PRKG1: variants seen among roughly 807,000 people sequenced by gnomAD.
PRKG1 encodes the protein cGMP-dependent protein kinase 1.
PRKG1 carries 35 observed loss-of-function variants against 88.1 expected under a neutral mutation model. The observed-to-expected ratio is 0.40, with a 90% CI of 0.30 to 0.53. PRKG1 has a LOEUF of 0.53. Ranked by LOEUF, PRKG1 falls within the 20% of genes least tolerant of loss-of-function variation. The pLI is 0.59. For synonymous variants in PRKG1, 303 were observed against 292.5 expected (o/e 1.04, Z -0.37); for missense variants, 540 against 839.8 (o/e 0.64, Z 4.41).
intron 5 of PRKG1, among the ~76,000 whole-genome samples, chr10:52,021,263 TG>T (rs536866552): frequency 6.7e-4 from 102 of 152,252 alleles, no homozygotes; most frequent in African/African-American, 2.4e-3. Flanking sequence ...AAGGCAGCCA[TG>T]TATGATATGT....
chr10:51,718,406 G>A (rs1418981772), intron 3 of PRKG1, among the ~76,000 whole-genome samples: 1 of 152,096 alleles, frequency 6.6e-6, no homozygotes, highest in Non-Finnish European at 1.5e-5. Flanking sequence ...GCGAGAGTAG[G>A]GAGTGAGGAG....
chr10:51,305,162 A>G (rs899515093), intron 2 of PRKG1, among the ~76,000 whole-genome samples: 8 of 152,132 alleles, frequency 5.3e-5, no homozygotes, highest in African/African-American at 1.9e-4. Flanking sequence ...CCCTGGAAAG[A>G]TAGCCCTTCA....
chr10:51,565,464 T>C (rs1837575035), intron 3 of PRKG1, among the ~76,000 whole-genome samples: 1 of 152,050 alleles, frequency 6.6e-6, no homozygotes, highest in South Asian at 2.1e-4. Flanking sequence ...TACATCAAAC[T>C]GTACAGTCAG....
At chr10:51,188,478 G>A (rs1315129638) in intron 2 of PRKG1, among the ~76,000 whole-genome samples, 1 of 151,512 alleles carries the variant, frequency 6.6e-6, no homozygotes. Flanking sequence ...CATGTATCAT[G>A]TTTTCATTAA....
At position 51,467,826 on chromosome 10, in the gene PRKG1, G is replaced by A. The variant is rs370511935; in HGVS notation, c.582G>A (p.Ala194=). The A allele has an allele frequency of 2.5e-5, 40 of 1,610,128 alleles. No homozygotes were observed. In the Admixed American group the frequency reaches 4.0e-4, roughly 16 times the overall value. ...TTCTTTACAACTGTACCCGGACAGC[G>A]ACCGTCAAGAGTAAGACTATTTTCA... ...LAILYNCTRT[A]TVKTLVNVKL... is the part of the protein sequence containing the mutation. Residue 194 remains alanine (A), a synonymous_variant, in exon 3 of 18, where the codon GCG becomes GCA. Transcript: ENST00000373980.
intron 2 of PRKG1, among the ~76,000 whole-genome samples, chr10:51,300,961 C>G (rs1840868163): frequency 6.6e-6 from 1 of 152,186 alleles, no homozygotes. Context: ...TCACTTTCCT[C>G]TTAATACTAA....
chr10:51,887,911 T>C (rs1396800945), intron 4 of PRKG1, among the ~76,000 whole-genome samples: 1 of 152,152 alleles, frequency 6.6e-6, no homozygotes, highest in African/African-American at 2.4e-5. Context: ...TTCAATGGTA[T>C]AAAATTTCTG....
At chr10:51,824,120 C>T (rs547304409) in intron 4 of PRKG1, among the ~76,000 whole-genome samples, 73 of 152,150 alleles carry the variant, frequency 4.8e-4, no homozygotes, top group South Asian at 2.1e-3. Context: ...GTGATTCTCC[C>T]GCTTTGGCCT....
At chr10:51,568,967 TA>T (rs1035721352) in intron 3 of PRKG1, among the ~76,000 whole-genome samples, 6 of 152,148 alleles carry the variant, frequency 3.9e-5, no homozygotes, top group Admixed American at 3.3e-4. Context: ...CCGAGTAGAC[TA>T]GATTATTTCA....
chr10:51,634,105 G>A (rs1484937541), intron 3 of PRKG1, among the ~76,000 whole-genome samples: 1 of 152,058 alleles, frequency 6.6e-6, no homozygotes, highest in Non-Finnish European at 1.5e-5. Context: ...GATAACTAAG[G>A]CAGAATGAAA....
intron 3 of PRKG1, among the ~76,000 whole-genome samples, chr10:51,492,149 C>T (rs1174756836): frequency 1.3e-5 from 2 of 152,156 alleles, no homozygotes; most frequent in African/African-American, 4.8e-5. Context: ...TTGAAAATCT[C>T]TATCCATCTA....
chr10:51,584,908 A>AAG (rs568020987), intron 3 of PRKG1, among the ~76,000 whole-genome samples: 79 of 152,200 alleles, frequency 5.2e-4, no homozygotes, highest in African/African-American at 1.8e-3. Flanking sequence ...ATTCAGTACA[A>AAG]AGAAGAATTA....
At chr10:52,018,589 A>T (rs1845102532) in intron 5 of PRKG1, among the ~76,000 whole-genome samples, 1 of 152,198 alleles carries the variant, frequency 6.6e-6, no homozygotes. Flanking sequence ...ACAACACAGG[A>T]TCTTTTCATT....
intron 3 of PRKG1, among the ~76,000 whole-genome samples, chr10:51,469,640 A>T (rs1839997190): frequency 1.3e-5 from 2 of 151,922 alleles, no homozygotes; most frequent in African/African-American, 2.4e-5. Flanking sequence ...AGAAGAAACT[A>T]GATGTTGAAT....
At chr10:52,131,109 T>C (rs975528691) in intron 7 of PRKG1, among the ~76,000 whole-genome samples, 2 of 152,104 alleles carry the variant, frequency 1.3e-5, no homozygotes, top group East Asian at 3.9e-4. Context: ...ATAGTGCAAC[T>C]CCAAACCCTG....
chr10:51,753,801 G>T (rs1034438706), intron 3 of PRKG1, among the ~76,000 whole-genome samples: 1 of 152,120 alleles, frequency 6.6e-6, no homozygotes, highest in Non-Finnish European at 1.5e-5. Context: ...CTGTGAAATA[G>T]CTTTTCTTAA....
intron 3 of PRKG1, among the ~76,000 whole-genome samples, chr10:51,692,438 A>G (rs1841169355): frequency 6.6e-6 from 1 of 151,718 alleles, no homozygotes; most frequent in Non-Finnish European, 1.5e-5. Context: ...GTAGAGACGG[A>G]TTTTCACCAT....
At chr10:51,320,909 C>A (rs1841438215) in intron 2 of PRKG1, among the ~76,000 whole-genome samples, 1 of 152,144 alleles carries the variant, frequency 6.6e-6, no homozygotes, top group African/African-American at 2.4e-5. Context: ...CCTTCAGGTA[C>A]AATTTGACCC....
chr10:51,315,418 G>T (rs1841293704), intron 2 of PRKG1, among the ~76,000 whole-genome samples: 1 of 152,140 alleles, frequency 6.6e-6, no homozygotes, highest in Non-Finnish European at 1.5e-5. Context: ...CAAGTTTAGT[G>T]TAAAAGTTAT....
Sources: gnomAD v4.1 joint callset for allele counts (sites outside exome capture counted in the v4.1 genomes callset) on GRCh38, gnomAD v4.1.1 for gene constraint, MANE v1.5 for transcripts, NCBI Gene and HGNC (gene_info 2026-07-23, HGNC 2026-07-21) for gene names.